Variants in NELL2 observed in about 807,000 individuals in gnomAD.
NELL2 encodes the protein protein kinase C-binding protein NELL2.
In NELL2, 41 loss-of-function variants were observed where a neutral mutation model predicts 109.6. The observed-to-expected ratio is 0.37, with a 90% CI of 0.29 to 0.49. NELL2 has a LOEUF of 0.49. Ranked by LOEUF, NELL2 falls within the 20% of genes least tolerant of loss-of-function variation. The pLI is 0.98. For missense variants in NELL2, 900 were observed against 1,008.3 expected (o/e 0.89, Z 1.45); for synonymous variants, 355 against 344.7 (o/e 1.03, Z -0.33).
At chr12:44,567,947 G>A (rs1054914597) in intron 15 of NELL2, among the ~76,000 whole-genome samples, 2 of 151,962 alleles carry the variant, frequency 1.3e-5, no homozygotes, top group African/African-American at 4.8e-5. Context: ...AAGTTGAAAG[G>A]GGTATACAGG....
chr12:44,849,850 T>C (rs1435191714), intron 2 of NELL2, among the ~76,000 whole-genome samples: 3 of 152,116 alleles, frequency 2.0e-5, no homozygotes, highest in African/African-American at 7.2e-5. Flanking sequence ...CATAAATAAA[T>C]TTAAAGATGT....
chr12:44,668,083 C>A lies in NELL2; in HGVS notation c.1319-2474G>T, dbSNP rs111906361. 8.0e-4 allele frequency among the ~76,000 whole-genome samples: 122 copies of A among 152,274 alleles called. 1 individual carries two copies. Among genetic ancestry groups the A allele is most frequent in the Admixed American group, 3.7e-3 (56 of 15,292 alleles). On this transcript the variant is annotated intron_variant, in intron 12 of 19. Coordinates refer to ENST00000429094, the MANE Select transcript of NELL2 (RefSeq NM_001145108.2). ...CCCAAAAGCCCCTGCTTTTCTACAT[C>A]CCTAGAGCACCATGGCATCCCTTCA...
intron 9 of NELL2, among the ~76,000 whole-genome samples, chr12:44,720,399 T>G (rs1938703571): frequency 6.6e-6 from 1 of 152,172 alleles, no homozygotes; most frequent in Admixed American, 6.5e-5. Flanking sequence ...GTCTCACCTG[T>G]GGAGTTTGCA....
At chr12:44,570,397 A>G (rs979656023) in intron 15 of NELL2, among the ~76,000 whole-genome samples, 5 of 152,178 alleles carry the variant, frequency 3.3e-5, no homozygotes, top group African/African-American at 1.2e-4. Flanking sequence ...TCACAGACCC[A>G]CAGACAAATG....
chr12:44,713,008 T>G (rs1297321446), intron 10 of NELL2, among the ~76,000 whole-genome samples: 2 of 151,884 alleles, frequency 1.3e-5, no homozygotes, highest in East Asian at 3.9e-4. Context: ...TTATCTAAAA[T>G]TTATGAGCAC....
intron 9 of NELL2, among the ~76,000 whole-genome samples, chr12:44,742,471 G>A (rs1364709459): frequency 3.3e-5 from 5 of 152,326 alleles, no homozygotes; most frequent in Middle Eastern, 3.4e-3. Flanking sequence ...TGACTTTGAC[G>A]AGTTGAGAGA....
At chr12:44,670,374 C>A (rs11831081) in intron 12 of NELL2, among the ~76,000 whole-genome samples, 2,163 of 151,740 alleles carry the variant, frequency 0.014, 39 homozygotes, top group African/African-American at 0.045. Context: ...TATAAAAAAA[C>A]CCCATCAAAT....
At chr12:44,632,602 T>A (rs550148818) in intron 13 of NELL2, among the ~76,000 whole-genome samples, 2 of 152,146 alleles carry the variant, frequency 1.3e-5, no homozygotes, top group African/African-American at 4.8e-5. Context: ...CACTCTTTTT[T>A]AAAATATTAT....
chr12:44,723,212 C>G (rs915042978), intron 9 of NELL2, among the ~76,000 whole-genome samples: 1 of 151,884 alleles, frequency 6.6e-6, no homozygotes, highest in South Asian at 2.1e-4. Context: ...AACTCAATGC[C>G]CTATTTGCAT....
At chr12:44,857,132 C>A (rs1212281215) in intron 2 of NELL2, among the ~76,000 whole-genome samples, 1 of 152,108 alleles carries the variant, frequency 6.6e-6, no homozygotes, top group Non-Finnish European at 1.5e-5. Context: ...AAGTGACAAC[C>A]TACCTGAATC....
intron 15 of NELL2, among the ~76,000 whole-genome samples, chr12:44,582,520 A>G (rs965218214): frequency 3.3e-5 from 5 of 152,166 alleles, no homozygotes; most frequent in African/African-American, 9.7e-5. Flanking sequence ...ATAAAATAAT[A>G]TGTTCAACAA....
intron 3 of NELL2, among the ~76,000 whole-genome samples, chr12:44,794,704 G>A (rs539859084): frequency 7.2e-5 from 11 of 152,054 alleles, no homozygotes; most frequent in South Asian, 6.3e-4. Context: ...TATGACTACC[G>A]GGAAAATACA....
intron 19 of NELL2, among the ~76,000 whole-genome samples, chr12:44,512,050 G>T (rs952286895): frequency 2.0e-5 from 3 of 152,090 alleles, no homozygotes; most frequent in African/African-American, 7.2e-5. Flanking sequence ...GAGACAACTT[G>T]CAGAATGGAA....
rs1236971768 is a variant in NELL2, at chr12:44,791,087, A to G, written c.336-11065T>C. ...CAAGTATATATATATATATACATAT[A>G]TATATATATGTATATATATATGTAT... On this transcript the variant is annotated intron_variant, in intron 3 of 19. Coordinates refer to ENST00000429094, the MANE Select transcript of NELL2 (RefSeq NM_001145108.2). 1.7e-3 allele frequency among the ~76,000 whole-genome samples: 43 copies of G among 25,330 alleles called. 1 individual carries two copies. Among genetic ancestry groups the G allele is most frequent in the African/African-American group, 5.5e-3 (41 of 7,494 alleles). The allele number at this position is 25,330 out of a possible 152,430, so 16.6% of individuals were successfully genotyped here. A position where few individuals can be genotyped will look rare whatever the true frequency, so the allele number is the denominator to read the frequency against.
intron 7 of NELL2, 27 bp from the exon 8 acceptor site, chr12:44,776,177 A>G (rs1180530075): frequency 6.8e-6 from 11 of 1,610,450 alleles, no homozygotes; most frequent in Non-Finnish European, 9.3e-6. Context: ...CGGGTTTTAC[A>G]TTGTTCATCC....
At chr12:44,637,383 A>G (rs528756744) in intron 13 of NELL2, among the ~76,000 whole-genome samples, 1 of 150,510 alleles carries the variant, frequency 6.6e-6, no homozygotes, top group East Asian at 2.0e-4. Context: ...CACGTTGGTT[A>G]CAGAGTGGTG....
chr12:44,777,017 C>T, intron 7 of NELL2, 25 bp downstream of exon 7: 2 of 1,603,120 alleles, frequency 1.2e-6, no homozygotes, highest in Non-Finnish European at 1.7e-6. Flanking sequence ...TAAGCTTCCA[C>T]ACTGTATTCT....
chr12:44,796,623 T>C (rs1295083287), intron 3 of NELL2, among the ~76,000 whole-genome samples: 4 of 152,100 alleles, frequency 2.6e-5, no homozygotes, highest in African/African-American at 9.7e-5. Flanking sequence ...AAGTGAAAAT[T>C]AGGTTTAGCT....
chr12:44,705,629 C>T (rs1566202255), intron 11 of NELL2, among the ~76,000 whole-genome samples: 1 of 151,936 alleles, frequency 6.6e-6, no homozygotes, highest in African/African-American at 2.4e-5. Flanking sequence ...AGAACAATTT[C>T]GGCTAAAAAG....
Sources: gnomAD v4.1 joint callset for allele counts (sites outside exome capture counted in the v4.1 genomes callset) on GRCh38, gnomAD v4.1.1 for gene constraint, MANE v1.5 for transcripts, NCBI Gene and HGNC (gene_info 2026-07-23, HGNC 2026-07-21) for gene names.